The following AJAP1 variants were observed in gnomAD, a reference collection of about 807,000 sequenced individuals.
AJAP1 encodes adherens junctions associated protein 1, also known as adherens junction-associated protein 1.
A neutral mutation model predicts 35.0 loss-of-function variants in AJAP1; 5 were observed. The observed-to-expected ratio is 0.14, with a 90% CI of 0.07 to 0.30. The LOEUF (loss-of-function observed/expected upper bound fraction) is 0.30. AJAP1 is among the 10% of genes least tolerant of loss of function. The pLI, the probability that AJAP1 is intolerant of heterozygous loss-of-function variation, is 1.00. For missense variants in AJAP1, 586 were observed against 571.0 expected (o/e 1.03, Z -0.27); for synonymous variants, 284 against 249.3 (o/e 1.14, Z -1.31).
chr1:4,719,270 G>A (rs1260232690), intron 2 of AJAP1, among the ~76,000 whole-genome samples: 5 of 152,142 alleles, frequency 3.3e-5, no homozygotes, highest in Non-Finnish European at 7.3e-5. Context: ...GCCACACCTC[G>A]GGGTAGGAGC....
intron 2 of AJAP1, among the ~76,000 whole-genome samples, chr1:4,741,176 G>A (rs1433337503): frequency 2.0e-5 from 3 of 152,140 alleles, no homozygotes; most frequent in African/African-American, 4.8e-5. Flanking sequence ...AGGAGTGAGA[G>A]TGAGCCCAGG....
intron 1 of AJAP1, among the ~76,000 whole-genome samples, chr1:4,658,667 T>G (rs1638935989): frequency 6.6e-6 from 1 of 152,216 alleles, no homozygotes. Context: ...TACCCCCCTT[T>G]CATGCTCACC....
In AJAP1 at chr1:4,786,794, A is replaced by C. The variant is rs1286324062; in HGVS notation, c.*4309A>C. The C allele has an allele frequency of 1.3e-5, 2 of 152,214 alleles. No homozygotes were observed. Among genetic ancestry groups the C allele is most frequent in the Admixed American group, 1.3e-4 (2 of 15,288 alleles). 9.4% of individuals were successfully genotyped at this position (152,214 alleles called of 1,614,324 possible). ...ACTCTCACTCAGCCTTTTCACGGTC[A>C]GTCTTGGTCTTCTCATACTTATTTC... On this transcript the variant is annotated 3_prime_UTR_variant, in exon 6 of 6. Transcript: ENST00000378191.
chr1:4,723,560 C>T lies in AJAP1; in HGVS notation c.829+10861C>T, dbSNP rs72858000. Reference sequence around the variant, plus strand: ...ATGGAGGGGTCCTCGTGGCGGAGCTCCCAGAGACATGAAAGAGGCCACTTT... The same window carrying T: ...ATGGAGGGGTCCTCGTGGCGGAGCTTCCAGAGACATGAAAGAGGCCACTTT... On this transcript the variant is annotated intron_variant, in intron 2 of 5. Coordinates refer to ENST00000378191, the MANE Select transcript of AJAP1 (RefSeq NM_018836.4). This position sits in a 1 kb window ranked among gnomAD's most constrained non-coding sequence, Gnocchi z 4.3. Among the ~76,000 whole-genome samples the T allele has an allele frequency of 0.023, 3,535 of 152,116 alleles. 142 individuals carry two copies. The highest frequency in any genetic ancestry group is 0.081 in the African/African-American group (3,346 of 41,462).
chr1:4,697,573 G>A (rs893600783), intron 1 of AJAP1, among the ~76,000 whole-genome samples: 1 of 152,238 alleles, frequency 6.6e-6, no homozygotes, highest in African/African-American at 2.4e-5. Flanking sequence ...CTTCCTCTGT[G>A]CAGTTTCAAG....
intron 2 of AJAP1, among the ~76,000 whole-genome samples, chr1:4,747,308 C>T (rs1641210484): frequency 6.6e-6 from 1 of 152,130 alleles, no homozygotes; most frequent in African/African-American, 2.4e-5. Flanking sequence ...TGAGTTGTTC[C>T]CCGCTCCTCC....
intron 1 of AJAP1, among the ~76,000 whole-genome samples, chr1:4,703,043 C>A (rs532914773): frequency 6.6e-6 from 1 of 152,144 alleles, no homozygotes; most frequent in Admixed American, 6.5e-5. Context: ...GTATCGCATG[C>A]GCGCTGGACG....
intron 1 of AJAP1, among the ~76,000 whole-genome samples, chr1:4,700,078 T>C (rs1274840852): frequency 6.6e-6 from 1 of 152,214 alleles, no homozygotes; most frequent in Non-Finnish European, 1.5e-5. Flanking sequence ...CTTCCTGGCC[T>C]GGCAGCTCTG....
intron 1 of AJAP1, among the ~76,000 whole-genome samples, chr1:4,685,624 G>A (rs1639587185): frequency 6.7e-6 from 1 of 149,670 alleles, no homozygotes; most frequent in African/African-American, 2.5e-5. Flanking sequence ...TGCTGCTGGA[G>A]GAGCTCATTG....
rs970222809 is a variant in AJAP1, at chr1:4,687,207, T to G, written c.30-24693T>G. Among the ~76,000 whole-genome samples, 6 of 152,236 alleles carry G rather than the reference T, an allele frequency of 3.9e-5. No homozygotes were observed. In the South Asian group the frequency reaches 1.2e-3, roughly 31 times the overall value. On this transcript the variant is annotated intron_variant, in intron 1 of 5. Transcript: ENST00000378191. The stretch of plus-strand genomic sequence containing the variant: ...TCATGATCACAGCCAGAATGCAGGC[T>G]TGAGGACCTGAACGCCTCTCGAAAG...
chr1:4,736,007 C>T (rs1420063049), intron 2 of AJAP1, among the ~76,000 whole-genome samples: 2 of 152,180 alleles, frequency 1.3e-5, no homozygotes, highest in African/African-American at 4.8e-5. Context: ...TCCCTACTTG[C>T]TACAGTGGCA....
At chr1:4,727,420 G>A (rs900922180) in intron 2 of AJAP1, among the ~76,000 whole-genome samples, 4 of 152,196 alleles carry the variant, frequency 2.6e-5, no homozygotes, top group Non-Finnish European at 5.9e-5. Flanking sequence ...CTTAAATGGC[G>A]TTGACTGCAC....
chr1:4,743,005 G>A (rs1237071222), intron 2 of AJAP1, among the ~76,000 whole-genome samples: 2 of 152,172 alleles, frequency 1.3e-5, no homozygotes, highest in African/African-American at 4.8e-5. Context: ...ATGTTCTGGA[G>A]AATACCCCTC....
At chr1:4,674,257 G>A (rs1291993139) in intron 1 of AJAP1, among the ~76,000 whole-genome samples, 1 of 152,144 alleles carries the variant, frequency 6.6e-6, no homozygotes, top group African/African-American at 2.4e-5. Flanking sequence ...TAGGTCAGGG[G>A]TTGGCACACC....
chr1:4,728,508 G>A (rs1249947505), intron 2 of AJAP1, among the ~76,000 whole-genome samples: 2 of 152,168 alleles, frequency 1.3e-5, no homozygotes, highest in African/African-American at 2.4e-5. Flanking sequence ...TGGCTGCCCC[G>A]ATGCTGTGTA....
chr1:4,716,416 C>A lies in AJAP1; in HGVS notation c.829+3717C>A, dbSNP rs528710047. Among the ~76,000 whole-genome samples, 4 of 152,302 alleles carry A rather than the reference C, an allele frequency of 2.6e-5. No homozygotes were observed. In the South Asian group the frequency reaches 8.3e-4, roughly 32 times the overall value. ...ATGTTGTTGTAAAGATTCAGTGAGA[C>A]AGAGTGTGCCAAGTACTCAGTGCCT... On this transcript the variant is annotated intron_variant, in intron 2 of 5. Transcript: ENST00000378191.
intron 2 of AJAP1, among the ~76,000 whole-genome samples, chr1:4,739,045 C>T (rs1008026921): frequency 6.6e-6 from 1 of 152,108 alleles, no homozygotes; most frequent in African/African-American, 2.4e-5. Context: ...CTTCTCCTCT[C>T]TCCCGGGAGA....
chr1:4,689,891 A>G (rs1639699576), intron 1 of AJAP1, among the ~76,000 whole-genome samples: 1 of 151,982 alleles, frequency 6.6e-6, no homozygotes, highest in Non-Finnish European at 1.5e-5. Context: ...AGGTCAGGGG[A>G]GAGGCTGGTT....
intron 1 of AJAP1, among the ~76,000 whole-genome samples, chr1:4,657,882 C>A (rs1638916777): frequency 1.3e-5 from 2 of 151,790 alleles, no homozygotes; most frequent in Non-Finnish European, 2.9e-5. Context: ...GCTTTTGTGT[C>A]TTTTGCGGTG....
Sources: allele counts gnomAD v4.1 joint callset (sites outside exome capture counted in the v4.1 genomes callset), GRCh38; gene constraint gnomAD v4.1.1; non-coding constraint Gnocchi (gnomAD v3.1); transcripts MANE v1.5; gene names NCBI Gene and HGNC (gene_info 2026-07-23, HGNC 2026-07-21).